USP18: variants seen among roughly 807,000 people sequenced by gnomAD.
USP18 encodes ubl carboxyl-terminal hydrolase 18.
USP18 carries 11 observed loss-of-function variants against 48.7 expected under a neutral mutation model. The observed-to-expected ratio is 0.23, with a 90% confidence interval of 0.14 to 0.37. USP18 has a LOEUF of 0.37. Ranked by LOEUF, USP18 falls within the 10% of genes least tolerant of loss-of-function variation. USP18 has a pLI of 1.00. For synonymous variants in USP18, 114 were observed against 163.2 expected (o/e 0.70, Z 2.30); for missense variants, 285 against 436.4 (o/e 0.65, Z 3.09).
intron 8 of USP18, among the ~76,000 whole-genome samples, chr22:18,172,563 T>C (rs1291772653): frequency 6.6e-6 from 1 of 151,788 alleles, no homozygotes; most frequent in East Asian, 1.9e-4. Flanking sequence ...TTGAATATTT[T>C]TTTCATATGC....
chr22:18,175,769 G>C (rs879518024), intron 10 of USP18, among the ~76,000 whole-genome samples: 222 of 147,900 alleles, frequency 1.5e-3, no homozygotes, highest in Non-Finnish European at 2.3e-3. Flanking sequence ...CAAGCCAGGA[G>C]TTCAAGACCA....
chr22:18,169,054 A>G (rs1366873144), intron 6 of USP18, among the ~76,000 whole-genome samples: 4 of 152,238 alleles, frequency 2.6e-5, no homozygotes, highest in Middle Eastern at 3.4e-3. Context: ...ACCAGAAGAA[A>G]AGCTGAAACC....
intron 9 of USP18, 96 bp from the exon 10 acceptor site, chr22:18,173,697 G>A: frequency 6.4e-7 from 1 of 1,563,232 alleles, no homozygotes; most frequent in South Asian, 1.2e-5. Flanking sequence ...CTAGGGGTGG[G>A]CTTGTCTGGA....
Position 18,160,277 on chromosome 22 carries a change from G to A in USP18, c.254+9G>A, listed in dbSNP as rs1213637558. 1 of 1,613,634 alleles carries A rather than the reference G, an allele frequency of 6.2e-7. No homozygotes were observed. Among genetic ancestry groups the A allele is most frequent in the South Asian group, 1.1e-5 (1 of 91,060 alleles). On this transcript the variant is annotated intron_variant, in intron 3 of 10. Transcript: ENST00000215794. ...ACCAGGATATTGAAGAGGTAAGACTGTTCTTCAGGCTGATGAGCATTTGTA... is the reference window on the plus strand; with the variant it reads ...ACCAGGATATTGAAGAGGTAAGACTATTCTTCAGGCTGATGAGCATTTGTA...
chr22:18,167,366 T>C, intron 5 of USP18, 32 bp downstream of exon 5: 9 of 1,611,696 alleles, frequency 5.6e-6, no homozygotes, highest in Non-Finnish European at 7.6e-6. Flanking sequence ...ACTCGGAAGC[T>C]TAAGATGCTG....
Position 18,160,188 on chromosome 22 carries a change from C to A in USP18, c.174C>A (p.His58Gln). The A allele has an allele frequency of 6.2e-7, 1 of 1,614,148 alleles. No homozygotes were observed. Among genetic ancestry groups the A allele is most frequent in the Non-Finnish European group, 8.5e-7 (1 of 1,180,008 alleles). ...CCCTTATAGGCCTGGTTGGTTTACACAACATTGGACAGACCTGCTGCCTTA... is the reference window on the plus strand; with the variant it reads ...CCCTTATAGGCCTGGTTGGTTTACAAAACATTGGACAGACCTGCTGCCTTA... ...WDYPHGLVGLHNIGQTCCLNS... is the reference protein window; with the variant it reads ...WDYPHGLVGLQNIGQTCCLNS... The change falls in exon 3 of 11, where the codon CAC becomes CAA. Residue 58 changes from histidine to glutamine, a missense_variant. This residue lies in a region of USP18 where 199 missense variants were observed against 239.6 expected (regional missense o/e 0.83). Coordinates refer to ENST00000215794, the MANE Select transcript of USP18 (RefSeq NM_017414.4).
chr22:18,153,641 A>T (rs914201168), intron 1 of USP18, among the ~76,000 whole-genome samples: 1 of 152,066 alleles, frequency 6.6e-6, no homozygotes, highest in Non-Finnish European at 1.5e-5. Flanking sequence ...TATTTAGGCA[A>T]CATGCTATGT....
chr22:18,176,000 AGGCTG>A, intron 10 of USP18, among the ~76,000 whole-genome samples: 1 of 125,358 alleles, frequency 8.0e-6, no homozygotes, highest in Admixed American at 8.0e-5. Context: ...AATAAACAAA[AGGCTG>A]GGCACGGTGG....
rs1929736946 is a variant in USP18, at chr22:18,174,757, G to A, written c.1073+915G>A. Among the ~76,000 whole-genome samples the A allele has an allele frequency of 2.0e-5, 3 of 151,870 alleles. No individual in the cohort carries two copies. The South Asian group carries it at 6.2e-4, about 32-fold the overall frequency. On this transcript the variant is annotated intron_variant, in intron 10 of 10. Coordinates refer to ENST00000215794, the MANE Select transcript of USP18 (RefSeq NM_017414.4). The stretch of plus-strand genomic sequence containing the variant: ...GCATACAGTCTGTACACCATGCTTG[G>A]CATATTTTAAAAAAATGTTTGTAGA...
intron 1 of USP18, among the ~76,000 whole-genome samples, chr22:18,156,905 C>G (rs1049314557): frequency 1.3e-5 from 2 of 152,224 alleles, no homozygotes; most frequent in African/African-American, 4.8e-5. Context: ...CCACTTACCT[C>G]TTCTTCCCCC....
At chr22:18,164,578 G>T (rs1479376095) in intron 4 of USP18, among the ~76,000 whole-genome samples, 2 of 151,614 alleles carry the variant, frequency 1.3e-5, no homozygotes, top group Non-Finnish European at 2.9e-5. Flanking sequence ...TTGGCTCCAG[G>T]TGCAGGCCAG....
chr22:18,157,243 C>T (rs959395246), intron 1 of USP18, among the ~76,000 whole-genome samples: 2 of 152,236 alleles, frequency 1.3e-5, no homozygotes, highest in African/African-American at 2.4e-5. Flanking sequence ...AGAGTTCTTG[C>T]TTAGTGCTGG....
At chr22:18,173,716 G>A (rs1222321199) in intron 9 of USP18, 77 bp from the exon 10 acceptor site, 18 of 1,592,300 alleles carry the variant, frequency 1.1e-5, no homozygotes, top group Non-Finnish European at 1.5e-5. Flanking sequence ...GAGGATGAGG[G>A]GCACATTATA....
rs779884338 is a variant in USP18 at position 18,157,784 on chromosome 22, C to T, written c.121C>T (p.Pro41Ser). 5.0e-6 allele frequency: 8 copies of T among 1,614,022 alleles called. No homozygotes were observed. The East Asian group carries it at 1.6e-4, about 31-fold the overall frequency. ...EEDSNMKREQ[P>S]RERPRAWDYP... Reference sequence around the variant, plus strand: ...AGACAGCAACATGAAGAGAGAGCAGCCCAGAGAGCGTCCCAGGGCCTGGGA... The same window carrying T: ...AGACAGCAACATGAAGAGAGAGCAGTCCAGAGAGCGTCCCAGGGCCTGGGA... Residue 41 changes from proline to serine, a missense_variant, in exon 2 of 11, where the codon CCC becomes TCC. Transcript: ENST00000215794.
chr22:18,150,969 C>G (rs1317697975), intron 1 of USP18, among the ~76,000 whole-genome samples: 3 of 152,170 alleles, frequency 2.0e-5, no homozygotes, highest in Non-Finnish European at 2.9e-5. Context: ...ACAAAAAAAC[C>G]TGATACATGG....
intron 3 of USP18, among the ~76,000 whole-genome samples, chr22:18,160,597 T>C (rs1474346772): frequency 2.0e-5 from 3 of 151,904 alleles, no homozygotes; most frequent in African/African-American, 7.3e-5. Context: ...CCACTGCACC[T>C]GGCCTGTATT....
intron 6 of USP18, among the ~76,000 whole-genome samples, chr22:18,169,573 C>T (rs1362004901): frequency 6.6e-6 from 1 of 152,120 alleles, no homozygotes; most frequent in East Asian, 1.9e-4. Context: ...CTTGCACCTG[C>T]TCCTCCCAGG....
chr22:18,157,118 G>C (rs1048018687), intron 1 of USP18, among the ~76,000 whole-genome samples: 4 of 152,270 alleles, frequency 2.6e-5, no homozygotes, highest in Admixed American at 6.5e-5. Context: ...TGCTGCAGCT[G>C]GCCGGCAGTG....
At chr22:18,156,599 T>G (rs1929148919) in intron 1 of USP18, among the ~76,000 whole-genome samples, 1 of 152,098 alleles carries the variant, frequency 6.6e-6, no homozygotes, top group African/African-American at 2.4e-5. Flanking sequence ...GCTTCGCTCC[T>G]GAAGCCAGCG....
Sources: gnomAD v4.1 joint callset for allele counts (sites outside exome capture counted in the v4.1 genomes callset) on GRCh38, gnomAD v4.1.1 for gene constraint, gnomAD v4.1.1 regional missense constraint, MANE v1.5 for transcripts, NCBI Gene and HGNC (gene_info 2026-07-23, HGNC 2026-07-21) for gene names.